The following DNAI4 variants were observed in gnomAD, a reference collection of about 807,000 sequenced individuals.
The protein encoded by DNAI4 is WD repeat domain 78.
DNAI4 carries 85 observed loss-of-function variants against 105.8 expected under a neutral mutation model. The observed-to-expected ratio is 0.80, with a 90% CI of 0.67 to 0.96. The LOEUF is 0.96. Ranked by LOEUF, DNAI4 falls within the 40% of genes least tolerant of loss-of-function variation. DNAI4 has a pLI of 0.00. For missense variants in DNAI4, 1,014 were observed against 1,005.6 expected, an observed-to-expected ratio of 1.01 and a Z score of -0.11; for synonymous variants, 352 against 331.5, an observed-to-expected ratio of 1.06 and a Z score of -0.67.
intron 7 of DNAI4, among the ~76,000 whole-genome samples, chr1:66,853,458 G>C (rs1269889541): frequency 1.3e-5 from 2 of 152,186 alleles, no homozygotes; most frequent in Non-Finnish European, 2.9e-5. Flanking sequence ...ATAGCAAAGG[G>C]AAGTTTTAAC....
At chr1:66,830,244 A>G (rs1645838207) in intron 13 of DNAI4, among the ~76,000 whole-genome samples, 1 of 152,136 alleles carries the variant, frequency 6.6e-6, no homozygotes, top group Admixed American at 6.5e-5. Flanking sequence ...AAAAAAAAAT[A>G]GTGAAAACCA....
intron 16 of DNAI4, among the ~76,000 whole-genome samples, chr1:66,821,999 T>C (rs375612577): frequency 6.6e-6 from 1 of 152,168 alleles, no homozygotes; most frequent in Non-Finnish European, 1.5e-5. Context: ...TATCTAAAAA[T>C]AGAATTATTT....
chr1:66,893,996 T>A (rs1395167819), intron 2 of DNAI4, among the ~76,000 whole-genome samples: 2 of 152,196 alleles, frequency 1.3e-5, no homozygotes, highest in Admixed American at 1.3e-4. Flanking sequence ...GCACTGCCAG[T>A]CATATAAAAG....
chr1:66,832,493 T>C (rs1347132329), intron 13 of DNAI4, among the ~76,000 whole-genome samples: 1 of 151,728 alleles, frequency 6.6e-6, no homozygotes, highest in Non-Finnish European at 1.5e-5. Flanking sequence ...TGATAGAGAG[T>C]ACAAGGATGG....
At chr1:66,877,601 C>T (rs1261534549) in intron 4 of DNAI4, among the ~76,000 whole-genome samples, 1 of 152,136 alleles carries the variant, frequency 6.6e-6, no homozygotes, top group East Asian at 1.9e-4. Flanking sequence ...AGTACAACTA[C>T]AATATTGCTA....
chr1:66,831,258 T>C (rs941908821), intron 13 of DNAI4, among the ~76,000 whole-genome samples: 10 of 152,120 alleles, frequency 6.6e-5, no homozygotes, highest in African/African-American at 2.4e-4. Context: ...GAAGAAATCA[T>C]ACTAATTTTA....
intron 1 of DNAI4, among the ~76,000 whole-genome samples, chr1:66,916,889 CTTTT>C (rs57839896): frequency 2.0e-5 from 3 of 147,388 alleles, no homozygotes; most frequent in Admixed American, 1.4e-4. Flanking sequence ...AGATTTTTGC[CTTTT>C]TTTTTTAATT....
intron 1 of DNAI4, among the ~76,000 whole-genome samples, chr1:66,911,629 C>T (rs1310912083): frequency 1.3e-5 from 2 of 152,258 alleles, no homozygotes; most frequent in South Asian, 2.1e-4. Flanking sequence ...TGATCAAAGA[C>T]CAAATAAATA....
chr1:66,832,593 A>C (rs1645890537), intron 13 of DNAI4, among the ~76,000 whole-genome samples: 3 of 152,170 alleles, frequency 2.0e-5, no homozygotes. Context: ...AATAATATCT[A>C]GTATTTTATA....
At chr1:66,837,648 A>G in intron 10 of DNAI4, 62 bp downstream of exon 10, 1 of 1,475,898 alleles carries the variant, frequency 6.8e-7, no homozygotes, top group Non-Finnish European at 9.3e-7. Context: ...ATGTAATTAT[A>G]TATTTTATGA....
At chr1:66,817,655 T>C (rs1448306416) in intron 16 of DNAI4, among the ~76,000 whole-genome samples, 1 of 152,092 alleles carries the variant, frequency 6.6e-6, no homozygotes, top group Non-Finnish European at 1.5e-5. Context: ...GTAATCCTAC[T>C]GCATAGGAAA....
chr1:66,826,871 AATATATAGG>A lies in DNAI4; in HGVS notation c.2279_2287del (p.Ser760_Ile762del). ...CACCCTGTTCTCATTTGCAGCTGCA[AATATATAGG>A]ATGATTTTGGAGACCAGGCAACGTC... On this transcript the variant is annotated inframe_deletion, in exon 15 of 17. Coordinates refer to ENST00000371026, the MANE Select transcript of DNAI4 (RefSeq NM_024763.5). 6.2e-7 allele frequency: 1 copy of A among 1,614,152 alleles called. No homozygotes were observed. The highest frequency in any genetic ancestry group is 8.5e-7 in the Non-Finnish European group (1 of 1,180,030).
At chr1:66,874,033 A>C (rs1490715475) in intron 5 of DNAI4, among the ~76,000 whole-genome samples, 2 of 151,750 alleles carry the variant, frequency 1.3e-5, no homozygotes, top group Non-Finnish European at 2.9e-5. Context: ...AGTTTTTAGT[A>C]CTATAAATCC....
At chr1:66,829,862 G>A (rs528432469) in intron 13 of DNAI4, among the ~76,000 whole-genome samples, 1 of 152,218 alleles carries the variant, frequency 6.6e-6, no homozygotes, top group East Asian at 1.9e-4. Context: ...TTTATAAAAA[G>A]TATTTTCTCT....
intron 4 of DNAI4, among the ~76,000 whole-genome samples, chr1:66,879,689 C>T (rs1647027713): frequency 6.6e-6 from 1 of 152,198 alleles, no homozygotes; most frequent in Admixed American, 6.5e-5. Context: ...TCTTTGCCAG[C>T]AATTGGTATT....
rs1557909132 is a variant in DNAI4 at position 66,836,308 on chromosome 1, GAAAGAAAGAAAGAAA to G, written c.1582-546_1582-532del. Among the ~76,000 whole-genome samples the G allele has an allele frequency of 8.6e-3, 1,292 of 149,618 alleles. 15 individuals are homozygous for G. Among genetic ancestry groups the G allele is most frequent in the Non-Finnish European group, 0.013 (905 of 67,270 alleles). On this transcript the variant is annotated intron_variant, in intron 10 of 16. Transcript: ENST00000371026. ...AGAAAGAAAGAAAGAAAGAAAGAAA[GAAAGAAAGAAAGAAA>G]GAAGGAAAGAGGGAAGGAAGGGAGG...
chr1:66,872,417 C>T (rs527933301), intron 5 of DNAI4, among the ~76,000 whole-genome samples: 8 of 151,808 alleles, frequency 5.3e-5, no homozygotes, highest in African/African-American at 1.7e-4. Context: ...TTAGTAGACA[C>T]GAGGTTTTAC....
At chr1:66,833,493 C>T in intron 13 of DNAI4, 92 bp downstream of exon 13, 2 of 1,404,120 alleles carry the variant, frequency 1.4e-6, no homozygotes, top group Admixed American at 2.2e-5. Context: ...TATTCATTAA[C>T]AGGCTAATAT....
intron 16 of DNAI4, among the ~76,000 whole-genome samples, chr1:66,820,242 A>G (rs1403669399): frequency 1.7e-5 from 2 of 117,594 alleles, no homozygotes; most frequent in Non-Finnish European, 3.9e-5. Context: ...AAACCAATGC[A>G]TTTTGCAAAA....
Sources: allele counts gnomAD v4.1 joint callset (sites outside exome capture counted in the v4.1 genomes callset), GRCh38; gene constraint gnomAD v4.1.1; transcripts MANE v1.5; gene names NCBI Gene and HGNC (gene_info 2026-07-23, HGNC 2026-07-21).